CRB1: variants seen among roughly 807,000 people sequenced by gnomAD.
CRB1 encodes the protein crumbs cell polarity complex component 1, also known as protein crumbs homolog 1.
Under a neutral mutation model 120.0 loss-of-function variants are expected in CRB1, and 83 were observed. The ratio of observed to expected loss-of-function variants is 0.69; its 90% confidence interval spans 0.58 to 0.83. The LOEUF (loss-of-function observed/expected upper bound fraction) is 0.83. Ranked by LOEUF, CRB1 falls within the 40% of genes least tolerant of loss-of-function variation. The pLI is 0.00. For synonymous variants in CRB1, 625 were observed against 612.5 expected, an observed-to-expected ratio of 1.02 and a Z score of -0.30; for missense variants, 1,699 against 1,687.6, an observed-to-expected ratio of 1.01 and a Z score of -0.12.
In CRB1 at chr1:197,269,236, G is replaced by A. The variant is rs114789638; in HGVS notation, c.70+754G>A. Among the ~76,000 whole-genome samples the A allele has an allele frequency of 7.2e-3, 1,094 of 152,284 alleles. 11 individuals carry two copies. Among genetic ancestry groups the A allele is most frequent in the African/African-American group, 0.024 (997 of 41,558 alleles). On this transcript the variant is annotated intron_variant, in intron 1 of 11. Transcript: ENST00000367400. ...TTGTCAAAGGGGCCATGTGATTTGT[G>A]TCTGTTGAATCTGAATATCAATAAG...
the CRB1 span, among the ~76,000 whole-genome samples, chr1:197,248,989 C>G: frequency 1.3e-5 from 2 of 151,790 alleles, no homozygotes; most frequent in East Asian, 3.9e-4. Flanking sequence ...TAACTCACCC[C>G]CTGTCTCTCA....
intron 1 of CRB1, among the ~76,000 whole-genome samples, chr1:197,278,089 ATGTT>A (rs1655316572): frequency 6.6e-6 from 1 of 151,908 alleles, no homozygotes; most frequent in African/African-American, 2.4e-5. Flanking sequence ...GCTATAGTGA[ATGTT>A]TGTCCCCTCT....
rs1665078895 is a variant in CRB1, at chr1:197,435,111, G to C, written c.3248G>C (p.Gly1083Ala). The change falls in exon 9 of 12, where the codon GGA (glycine) becomes GCA (alanine). Residue 1083 changes from glycine to alanine, a missense_variant. Physicochemically the swap from Gly to Ala is moderately conservative, Grantham distance 60. Coordinates refer to ENST00000367400, the MANE Select transcript of CRB1 (RefSeq NM_201253.3). The stretch of plus-strand genomic sequence containing the variant: ...AAGGATAATACAGATATTTATGTGG[G>C]AGACAGAGCTATTGACAATATAAAG... ...FLKDNTDIYV[G>A]DRAIDNIKGL... 1.2e-6 allele frequency: 2 copies of C among 1,613,898 alleles called. No homozygotes were observed. Among genetic ancestry groups the C allele is most frequent in the Non-Finnish European group, 1.7e-6 (2 of 1,179,884 alleles).
the CRB1 span, among the ~76,000 whole-genome samples, chr1:197,217,221 A>G: frequency 2.0e-5 from 3 of 152,188 alleles, no homozygotes; most frequent in African/African-American, 7.2e-5. Flanking sequence ...CCATAATTTT[A>G]AAATTGTTGT....
At position 197,417,311 on chromosome 1, in the gene CRB1, G is replaced by C. The variant is rs61280897; in HGVS notation, c.1172-3689G>C. ...TCTTAACCCGAGGTGTCAGGAAAGA[G>C]AGAGAAAGAATTGCTGCTGTGCTGT... is the stretch of plus-strand genomic sequence containing the variant. On this transcript the variant is annotated intron_variant, in intron 5 of 11. Coordinates refer to ENST00000367400, the MANE Select transcript of CRB1 (RefSeq NM_201253.3). Among the ~76,000 whole-genome samples, 825 of 152,328 alleles carry C rather than the reference G, an allele frequency of 5.4e-3. 3 individuals carry two copies. Among genetic ancestry groups the C allele is most frequent in the African/African-American group, 0.019 (795 of 41,566 alleles).
intron 8 of CRB1, 143 bp from the exon 9 acceptor site, chr1:197,434,563 A>G: frequency 1.4e-6 from 1 of 701,120 alleles, no homozygotes; most frequent in East Asian, 2.8e-5. Flanking sequence ...AAATAATATA[A>G]AAGCAACTAG....
intron 8 of CRB1, among the ~76,000 whole-genome samples, chr1:197,431,119 A>G (rs1435474937): frequency 6.6e-6 from 1 of 152,144 alleles, no homozygotes. Flanking sequence ...AAATAATGGA[A>G]TGGAACTAGA....
At chr1:197,415,167 C>T (rs923572536) in intron 5 of CRB1, among the ~76,000 whole-genome samples, 4 of 152,148 alleles carry the variant, frequency 2.6e-5, no homozygotes, top group African/African-American at 9.7e-5. Context: ...ACCATCTGCA[C>T]TTATTTGCCC....
intron 5 of CRB1, among the ~76,000 whole-genome samples, chr1:197,401,385 T>C (rs891558209): frequency 6.6e-6 from 1 of 152,126 alleles, no homozygotes. Flanking sequence ...TGAAATCATA[T>C]TGTTTTGATT....
chr1:197,379,632 A>ATCG (rs1661843280), intron 5 of CRB1, among the ~76,000 whole-genome samples: 2 of 138,788 alleles, frequency 1.4e-5, no homozygotes, highest in Admixed American at 7.1e-5. Flanking sequence ...AAAAAAAACC[A>ATCG]TTTTTCTAGC....
At chr1:197,242,380 G>A in the CRB1 span, among the ~76,000 whole-genome samples, 1 of 152,080 alleles carries the variant, frequency 6.6e-6, no homozygotes. Context: ...AAAGTTTTTA[G>A]CATGAAGGGG....
intron 1 of CRB1, among the ~76,000 whole-genome samples, chr1:197,327,091 CAAAAAAAAAAAAAAAAA>C (rs71131753): frequency 6.8e-3 from 175 of 25,666 alleles, no homozygotes; most frequent in South Asian, 0.041. Flanking sequence ...TCTCACACAC[CAAAAAAAAAAAAAAAAA>C]AAAAAAAAAA....
At chr1:197,433,691 T>G (rs1425999445) in intron 8 of CRB1, among the ~76,000 whole-genome samples, 1 of 152,090 alleles carries the variant, frequency 6.6e-6, no homozygotes, top group East Asian at 1.9e-4. Context: ...TATTTGTATA[T>G]TGATGGGAAA....
chr1:197,382,623 T>C (rs568123034), intron 5 of CRB1, among the ~76,000 whole-genome samples: 1 of 152,324 alleles, frequency 6.6e-6, no homozygotes, highest in African/African-American at 2.4e-5. Context: ...TTATTCATTA[T>C]GTCCACCAGA....
the CRB1 span, among the ~76,000 whole-genome samples, chr1:197,231,399 A>G: frequency 4.6e-5 from 7 of 152,154 alleles, no homozygotes; most frequent in African/African-American, 1.7e-4. Context: ...GGTATTCCAC[A>G]TGCCTGTTGC....
At chr1:197,266,233 G>T (rs573644407), upstream of CRB1, among the ~76,000 whole-genome samples, 1 of 151,986 alleles carries the variant, frequency 6.6e-6, no homozygotes, top group Admixed American at 6.6e-5. Flanking sequence ...AAGAGAAATT[G>T]ACTTCTTATA....
chr1:197,350,159 C>T (rs1176040525), intron 4 of CRB1, among the ~76,000 whole-genome samples: 1 of 150,410 alleles, frequency 6.6e-6, no homozygotes, highest in African/African-American at 2.4e-5. Flanking sequence ...GTTTCATGTT[C>T]TTGTCACCAA....
rs149813958 is a variant in CRB1 at position 197,384,844 on chromosome 1, G to A, written c.1171+27831G>A. On this transcript the variant is annotated intron_variant, in intron 5 of 11. Coordinates refer to ENST00000367400, the MANE Select transcript of CRB1 (RefSeq NM_201253.3). ...TGTGCCGTAGTCAGTGCTTTAGAAA[G>A]ATTTGTGTGCCACCTGTTCTCTGTC... 1.6e-3 allele frequency among the ~76,000 whole-genome samples: 239 copies of A among 152,210 alleles called. 2 individuals carry two copies. Among genetic ancestry groups the A allele is most frequent in the African/African-American group, 5.6e-3 (233 of 41,564 alleles).
the CRB1 span, among the ~76,000 whole-genome samples, chr1:197,206,342 A>G: frequency 6.6e-6 from 1 of 152,026 alleles, no homozygotes; most frequent in African/African-American, 2.4e-5. Flanking sequence ...AGATGTGACC[A>G]TAGATTGTCT....
Sources: gnomAD v4.1 joint callset for allele counts (sites outside exome capture counted in the v4.1 genomes callset) on GRCh38, gnomAD v4.1.1 for gene constraint, MANE v1.5 for transcripts, NCBI Gene and HGNC (gene_info 2026-07-23, HGNC 2026-07-21) for gene names.